The following SGIP1 variants were observed in gnomAD, a reference collection of about 807,000 sequenced individuals.
SGIP1 encodes SH3-containing GRB2-like protein 3-interacting protein 1.
In SGIP1, 38 loss-of-function variants were observed where a neutral mutation model predicts 107.5. The observed-to-expected ratio is 0.35, with a 90% CI of 0.27 to 0.46. The LOEUF (loss-of-function observed/expected upper bound fraction) is 0.46, where lower values mean the gene tolerates loss of function less well. SGIP1 is among the 20% of genes least tolerant of loss of function. The pLI, the probability that SGIP1 is intolerant of heterozygous loss-of-function variation, is 1.00. For missense variants in SGIP1, 929 were observed against 1,019.5 expected (o/e 0.91, Z 1.21); for synonymous variants, 365 against 366.1 (o/e 1.00, Z 0.03).
intron 18 of SGIP1, among the ~76,000 whole-genome samples, chr1:66,701,551 C>G (rs2091910656): frequency 6.6e-6 from 1 of 152,140 alleles, no homozygotes; most frequent in Admixed American, 6.5e-5. Context: ...CTGAAGGTCA[C>G]AGAGAGTTTT....
At position 66,739,414 on chromosome 1, in the gene SGIP1, G is replaced by A. The variant is rs760325669; in HGVS notation, c.2111G>A (p.Arg704His). ...TGTGAGCCTTCAAGCACTGACCTGCGCATAGATTACAAATATAATACAGAT... is the reference window on the plus strand; with the variant it reads ...TGTGAGCCTTCAAGCACTGACCTGCACATAGATTACAAATATAATACAGAT... ...WRCEPSSTDL[R>H]IDYKYNTDAM... The change falls in exon 22 of 25, where the codon CGC becomes CAC. Residue 704 changes from arginine to histidine, a missense_variant. Arg to His is a conservative substitution (Grantham distance 29, BLOSUM62 0). This residue lies in a region of SGIP1 where 341 missense variants were observed against 430.9 expected (regional missense o/e 0.79). Transcript: ENST00000371037. 4 of 1,613,942 alleles carry A rather than the reference G, an allele frequency of 2.5e-6. No homozygotes were observed. The highest frequency in any genetic ancestry group is 1.3e-5 in the African/African-American group (1 of 74,864).
intron 1 of SGIP1, among the ~76,000 whole-genome samples, chr1:66,613,635 T>G (rs997998143): frequency 2.0e-5 from 3 of 152,174 alleles, no homozygotes; most frequent in Non-Finnish European, 4.4e-5. Flanking sequence ...CAGCCTAAAA[T>G]CTAAGGTCTT....
At chr1:66,627,681 T>G (rs972407072) in intron 2 of SGIP1, among the ~76,000 whole-genome samples, 1 of 152,224 alleles carries the variant, frequency 6.6e-6, no homozygotes, top group Non-Finnish European at 1.5e-5. Flanking sequence ...CTGCAAATTT[T>G]TCTAAATAAT....
intron 1 of SGIP1, among the ~76,000 whole-genome samples, chr1:66,609,481 T>C (rs1558057725): frequency 6.6e-6 from 1 of 152,080 alleles, no homozygotes; most frequent in Admixed American, 6.6e-5. Context: ...GGTTTCAGAG[T>C]GGAGTGCTTA....
At chr1:66,554,563 G>A (rs2057908532) in intron 1 of SGIP1, among the ~76,000 whole-genome samples, 1 of 152,062 alleles carries the variant, frequency 6.6e-6, no homozygotes, top group South Asian at 2.1e-4. Flanking sequence ...ATAGGCCACA[G>A]TCAAAATGCA....
At chr1:66,688,497 C>T (rs2089026262) in intron 15 of SGIP1, among the ~76,000 whole-genome samples, 1 of 152,236 alleles carries the variant, frequency 6.6e-6, no homozygotes, top group Non-Finnish European at 1.5e-5. Context: ...GATTCCCAAG[C>T]AGCCTCCTTC....
At chr1:66,680,973 T>A (rs935465681) in intron 14 of SGIP1, among the ~76,000 whole-genome samples, 7 of 152,234 alleles carry the variant, frequency 4.6e-5, no homozygotes, top group Admixed American at 1.3e-4. Flanking sequence ...TTATTATTGC[T>A]ATGAGTTAAA....
chr1:66,638,484 G>A (rs1273197826), intron 4 of SGIP1, among the ~76,000 whole-genome samples: 4 of 152,200 alleles, frequency 2.6e-5, no homozygotes, highest in Non-Finnish European at 5.9e-5. Context: ...GGGACAAAGA[G>A]GGAGATGGTC....
At position 66,660,416 on chromosome 1, in the gene SGIP1, G is replaced by T. The variant is rs962562943; in HGVS notation, c.460-97G>T. 5.1e-6 allele frequency: 6 copies of T among 1,178,046 alleles called. No individual in the cohort carries two copies. The South Asian group carries it at 7.4e-5, about 15-fold the overall frequency. 73.0% of individuals were successfully genotyped at this position (1,178,046 alleles called of 1,614,324 possible). On this transcript the variant is annotated intron_variant, in intron 7 of 24. Transcript: ENST00000371037. ...GCAGTGCCTTCGAGAGCTCCCTTAA[G>T]TAAGGTTATCCTGAACCTTGACCTG...
intron 1 of SGIP1, among the ~76,000 whole-genome samples, chr1:66,625,168 C>T (rs1411356040): frequency 6.6e-6 from 1 of 152,100 alleles, no homozygotes; most frequent in East Asian, 1.9e-4. Context: ...TCTTACGCCT[C>T]TAGGATTAAG....
chr1:66,728,660 C>T (rs1293457066), intron 19 of SGIP1, among the ~76,000 whole-genome samples: 1 of 152,146 alleles, frequency 6.6e-6, no homozygotes, highest in Non-Finnish European at 1.5e-5. Context: ...TTGGTATGTT[C>T]ATTGCAGTAC....
chr1:66,715,036 A>G (rs1301899583), intron 18 of SGIP1, among the ~76,000 whole-genome samples: 1 of 152,134 alleles, frequency 6.6e-6, no homozygotes, highest in Non-Finnish European at 1.5e-5. Flanking sequence ...AATACCTGGT[A>G]TTCTTGTCAA....
At chr1:66,681,815 C>T in intron 14 of SGIP1, 54 bp from the exon 15 acceptor site, 2 of 1,548,678 alleles carry the variant, frequency 1.3e-6, no homozygotes, top group Middle Eastern at 3.5e-4. Flanking sequence ...CTCCCTCACT[C>T]CCCACACAAA....
chr1:66,671,443 T>C (rs868378805), intron 10 of SGIP1, among the ~76,000 whole-genome samples: 3 of 152,288 alleles, frequency 2.0e-5, no homozygotes, highest in Middle Eastern at 3.4e-3. Context: ...ATATAGGTTA[T>C]AATACACATA....
At chr1:66,720,127 T>C (rs367916288) in intron 19 of SGIP1, among the ~76,000 whole-genome samples, 1 of 152,268 alleles carries the variant, frequency 6.6e-6, no homozygotes, top group East Asian at 1.9e-4. Context: ...ATTCAGAAAA[T>C]CAATGGTTTC....
At chr1:66,660,855 A>G (rs1338220516) in intron 8 of SGIP1, among the ~76,000 whole-genome samples, 2 of 152,238 alleles carry the variant, frequency 1.3e-5, no homozygotes, top group Non-Finnish European at 2.9e-5. Flanking sequence ...AGCTACTTAT[A>G]CATATCATGA....
intron 15 of SGIP1, among the ~76,000 whole-genome samples, chr1:66,687,847 AT>A (rs2088817260): frequency 6.6e-6 from 1 of 152,230 alleles, no homozygotes; most frequent in Non-Finnish European, 1.5e-5. Flanking sequence ...AGGGGTAATA[AT>A]TAGTAGGTTT....
chr1:66,717,121 A>G (rs1473534867), intron 18 of SGIP1, among the ~76,000 whole-genome samples: 1 of 152,156 alleles, frequency 6.6e-6, no homozygotes, highest in Non-Finnish European at 1.5e-5. Context: ...CTTTGAAAGA[A>G]TTTATCAAAT....
chr1:66,563,702 A>AC (rs377329050), intron 1 of SGIP1, among the ~76,000 whole-genome samples: 1 of 150,842 alleles, frequency 6.6e-6, no homozygotes, highest in East Asian at 2.0e-4. Context: ...TTGTTCCCCC[A>AC]CCCCCCTCCA....
Sources: allele counts gnomAD v4.1 joint callset (sites outside exome capture counted in the v4.1 genomes callset), GRCh38; gene constraint gnomAD v4.1.1; regional missense constraint gnomAD v4.1.1; transcripts MANE v1.5; gene names NCBI Gene and HGNC (gene_info 2026-07-23, HGNC 2026-07-21).